Variants in GOSR2 observed in about 807,000 individuals in gnomAD.
The protein encoded by GOSR2 is golgi SNAP receptor complex member 2.
GOSR2 carries 20 observed loss-of-function variants against 27.9 expected under a neutral mutation model. The ratio of observed to expected loss-of-function variants is 0.72; its 90% CI spans 0.50 to 1.04. GOSR2 has a LOEUF of 1.04. Ranked by LOEUF, GOSR2 falls within the 50% of genes least tolerant of loss-of-function variation. GOSR2 has a pLI of 0.00. For missense variants in GOSR2, 261 were observed against 270.5 expected, an observed-to-expected ratio of 0.97 and a Z score of 0.25; for synonymous variants, 91 against 98.8, an observed-to-expected ratio of 0.92 and a Z score of 0.47.
At chr17:46,942,440 G>A (rs568582731), downstream of GOSR2, among the ~76,000 whole-genome samples, 8 of 152,332 alleles carry the variant, frequency 5.3e-5, no homozygotes, top group South Asian at 4.1e-4. Context: ...ACAGGAGTCC[G>A]AGAGGAGCTG....
chr17:46,950,918 T>G (rs573789721), intron 6 of GOSR2, among the ~76,000 whole-genome samples: 29 of 152,296 alleles, frequency 1.9e-4, no homozygotes, highest in Admixed American at 5.9e-4. Flanking sequence ...ATGAGAGATC[T>G]GGAGTCAGAG....
At chr17:46,959,828 C>G (rs755662159) in intron 6 of GOSR2, among the ~76,000 whole-genome samples, 23 of 152,310 alleles carry the variant, frequency 1.5e-4, no homozygotes, top group Non-Finnish European at 1.5e-4. Flanking sequence ...CCTCAGAAGC[C>G]ATTCTTCCCA....
At chr17:46,962,170 A>G (rs1419559875) in intron 6 of GOSR2, among the ~76,000 whole-genome samples, 1 of 152,108 alleles carries the variant, frequency 6.6e-6, no homozygotes, top group Non-Finnish European at 1.5e-5. Flanking sequence ...TACTAAAAAT[A>G]CATAAAAAAT....
Position 46,954,322 on chromosome 17 carries a change from G to A in GOSR2, c.584-12212G>A, listed in dbSNP as rs184349465. Reference sequence around the variant, plus strand: ...TTTTCCCATTTCTTGTTTTTGTCAGGTTTGTCAAAGATCAGATAGTAGTAG... The same window carrying A: ...TTTTCCCATTTCTTGTTTTTGTCAGATTTGTCAAAGATCAGATAGTAGTAG... On this transcript the variant is annotated intron_variant, in intron 6 of 6. Coordinates refer to the GOSR2 transcript ENST00000573224. Among the ~76,000 whole-genome samples, 353 of 152,228 alleles carry A rather than the reference G, an allele frequency of 2.3e-3. 2 individuals carry two copies. The highest frequency in any genetic ancestry group is 8.3e-3 in the African/African-American group (343 of 41,522).
At position 46,939,054 on chromosome 17, in the gene GOSR2, G is replaced by T; in HGVS notation, c.*294G>T. The T allele has an allele frequency of 7.9e-7, 1 of 1,263,296 alleles. No individual in the cohort carries two copies. Among genetic ancestry groups the T allele is most frequent in the Non-Finnish European group, 1.0e-6 (1 of 989,124 alleles). The allele number at this position is 1,263,296 out of a possible 1,614,324, so 78.3% of individuals were successfully genotyped here. On this transcript the variant is annotated 3_prime_UTR_variant, in exon 6 of 6. Transcript: ENST00000640051. ...GGGAAAGAATGGCTTTGGTGGCTTT[G>T]TTCACATAGCTGATGCGTGCCCTGG...
Position 46,940,459 on chromosome 17 carries a change from C to G in GOSR2, c.*1699C>G, listed in dbSNP as rs1433573932. On this transcript the variant is annotated 3_prime_UTR_variant, in exon 6 of 6. Coordinates refer to ENST00000640051, the MANE Select transcript of GOSR2 (RefSeq NM_004287.5). ...GGCACATTGACATTTCCATTACACA[C>G]AGCACTGCTGCGGTGCCAGGGACCT... 4 of 1,609,814 alleles carry G rather than the reference C, an allele frequency of 2.5e-6. No individual in the cohort carries two copies. The highest frequency in any genetic ancestry group is 3.4e-6 in the Non-Finnish European group (4 of 1,179,662).
chr17:46,960,453 A>C (rs2090989585), intron 6 of GOSR2, among the ~76,000 whole-genome samples: 1 of 152,220 alleles, frequency 6.6e-6, no homozygotes, highest in African/African-American at 2.4e-5. Flanking sequence ...GCAGTGTCTT[A>C]CAGAGCTAAG....
At chr17:46,961,700 A>G (rs2091059006) in intron 6 of GOSR2, among the ~76,000 whole-genome samples, 1 of 152,222 alleles carries the variant, frequency 6.6e-6, no homozygotes, top group Non-Finnish European at 1.5e-5. Flanking sequence ...GTGTACCTAA[A>G]ATATAACGAC....
chr17:46,953,025 T>G (rs1405885981), intron 6 of GOSR2, among the ~76,000 whole-genome samples: 1 of 152,010 alleles, frequency 6.6e-6, no homozygotes, highest in Non-Finnish European at 1.5e-5. Context: ...TGTTTTTAAA[T>G]TTTATTATTA....
At chr17:46,952,963 A>G (rs1248084136) in intron 6 of GOSR2, 1 of 152,136 alleles carries the variant, frequency 6.6e-6, no homozygotes, top group Non-Finnish European at 1.5e-5. Flanking sequence ...GCTCGATGCA[A>G]AGCTGGCACA....
intron 2 of GOSR2, chr17:46,930,037 G>T (rs1051278656): frequency 1.7e-4 from 25 of 144,696 alleles, no homozygotes; most frequent in Middle Eastern, 7.2e-3. Context: ...CTGGTTTTTT[G>T]TTTTTTTTCA....
At chr17:46,953,113 T>C (rs921535990) in intron 6 of GOSR2, among the ~76,000 whole-genome samples, 6 of 152,140 alleles carry the variant, frequency 3.9e-5, no homozygotes, top group African/African-American at 1.4e-4. Context: ...TTGTTACATA[T>C]GTATACATGT....
At chr17:46,937,179 C>T (rs2088539984) in intron 5 of GOSR2, 1 of 152,060 alleles carries the variant, frequency 6.6e-6, no homozygotes, top group Admixed American at 6.5e-5. Flanking sequence ...ATAAAATGCC[C>T]TTTTGTTTTG....
At chr17:46,951,530 T>G (rs551505447) in intron 6 of GOSR2, among the ~76,000 whole-genome samples, 2 of 152,268 alleles carry the variant, frequency 1.3e-5, no homozygotes, top group South Asian at 4.1e-4. Context: ...GCGTAGCCCT[T>G]GAAAACGACC....
chr17:46,951,734 G>T (rs576290390), intron 6 of GOSR2, among the ~76,000 whole-genome samples: 1 of 152,326 alleles, frequency 6.6e-6, no homozygotes, highest in Admixed American at 6.5e-5. Context: ...AAGAGGAAAA[G>T]GAAACCTCTA....
At chr17:46,933,001 A>C (rs16941304) in intron 4 of GOSR2, 3,774 of 152,418 alleles carry the variant, frequency 0.025, 69 homozygotes, top group Middle Eastern at 0.085. Context: ...CTTGCTTTGC[A>C]ATAAATTTTC....
downstream of GOSR2, among the ~76,000 whole-genome samples, chr17:46,970,939 T>TG (rs2091385734): frequency 6.6e-6 from 1 of 152,230 alleles, no homozygotes; most frequent in Non-Finnish European, 1.5e-5. Context: ...CCTCAAAATA[T>TG]GAAAGGCTGC....
At chr17:46,947,873 A>G (rs1468675486) in intron 6 of GOSR2, among the ~76,000 whole-genome samples, 1 of 151,752 alleles carries the variant, frequency 6.6e-6, no homozygotes, top group African/African-American at 2.4e-5. Context: ...GGTTCAAGCG[A>G]CTCTCCTGCC....
At chr17:46,936,044 C>G in intron 5 of GOSR2, 1 of 985,722 alleles carries the variant, frequency 1.0e-6, no homozygotes, top group Non-Finnish European at 1.2e-6. Flanking sequence ...CTGAACAGTC[C>G]CTGCCATCTC....
Sources: gnomAD v4.1 joint callset for allele counts (sites outside exome capture counted in the v4.1 genomes callset) on GRCh38, gnomAD v4.1.1 for gene constraint, MANE v1.5 for transcripts, NCBI Gene and HGNC (gene_info 2026-07-23, HGNC 2026-07-21) for gene names.